ZNF892: variants seen among roughly 807,000 people sequenced by gnomAD.
The protein encoded by ZNF892 is zinc finger protein 570-like.
chr2:95,242,528 A>G, the ZNF892 span, among the ~76,000 whole-genome samples: 1 of 152,236 alleles, frequency 6.6e-6, no homozygotes, highest in African/African-American at 2.4e-5. Context: ...GTTACCGGCC[A>G]CTACAAAAAC....
the ZNF892 span, chr2:95,208,782 G>A: frequency 2.5e-6 from 1 of 398,592 alleles, no homozygotes; most frequent in Non-Finnish European, 4.4e-6. Context: ...CTCAGAGCAA[G>A]GATGTCTTTC....
the ZNF892 span, among the ~76,000 whole-genome samples, chr2:95,254,228 A>G: frequency 6.6e-6 from 1 of 152,172 alleles, no homozygotes; most frequent in South Asian, 2.1e-4. Flanking sequence ...TGTCATAGAT[A>G]GCTCTTATTA....
chr2:95,227,896 T>G, the ZNF892 span, among the ~76,000 whole-genome samples: 1 of 152,190 alleles, frequency 6.6e-6, no homozygotes, highest in Non-Finnish European at 1.5e-5. Context: ...GTGTCTTCTA[T>G]GAGCAAGTAC....
the ZNF892 span, among the ~76,000 whole-genome samples, chr2:95,235,467 T>C: frequency 9.9e-5 from 15 of 151,782 alleles, no homozygotes; most frequent in Non-Finnish European, 1.9e-4. Context: ...GCTTACGCCA[T>C]TCTCCTGCCT....
the ZNF892 span, among the ~76,000 whole-genome samples, chr2:95,234,278 AAAAC>A: frequency 6.6e-6 from 1 of 152,254 alleles, no homozygotes; most frequent in African/African-American, 2.4e-5. Context: ...AAACAAAAGA[AAAAC>A]AAAGTGGTTA....
At chr2:95,211,202 A>G in the ZNF892 span, among the ~76,000 whole-genome samples, 3 of 152,220 alleles carry the variant, frequency 2.0e-5, no homozygotes, top group Non-Finnish European at 2.9e-5. Context: ...AAACTAGAGA[A>G]AAAATACTTC....
At chr2:95,217,868 T>G in the ZNF892 span, among the ~76,000 whole-genome samples, 3 of 152,314 alleles carry the variant, frequency 2.0e-5, no homozygotes, top group Admixed American at 2.0e-4. Flanking sequence ...TCTGTTCTGT[T>G]GAGACCAGGG....
chr2:95,258,091 A>G, the ZNF892 span, among the ~76,000 whole-genome samples: 9 of 152,108 alleles, frequency 5.9e-5, no homozygotes, highest in Non-Finnish European at 1.2e-4. Context: ...CCACTGTCCA[A>G]CAATCCCCAG....
chr2:95,242,856 G>T, the ZNF892 span, among the ~76,000 whole-genome samples: 1 of 151,618 alleles, frequency 6.6e-6, no homozygotes, highest in Non-Finnish European at 1.5e-5. Flanking sequence ...CTCTCCCCAC[G>T]GTCTCCCTCT....
chr2:95,236,808 G>A, the ZNF892 span, among the ~76,000 whole-genome samples: 1 of 152,192 alleles, frequency 6.6e-6, no homozygotes, highest in Non-Finnish European at 1.5e-5. Flanking sequence ...TACTATAATA[G>A]AGTTGGCAAG....
At chr2:95,219,301 G>A in the ZNF892 span, among the ~76,000 whole-genome samples, 19 of 151,932 alleles carry the variant, frequency 1.3e-4, no homozygotes, top group Non-Finnish European at 2.2e-4. Context: ...CCACCGCCCC[G>A]GCCAAGTATT....
chr2:95,261,652 C>A, the ZNF892 span, among the ~76,000 whole-genome samples: 2 of 152,170 alleles, frequency 1.3e-5, no homozygotes, highest in African/African-American at 4.8e-5. Context: ...CTCCCAGATT[C>A]CAGGTTGTGA....
chr2:95,218,673 A>G, the ZNF892 span, among the ~76,000 whole-genome samples: 2 of 152,182 alleles, frequency 1.3e-5, no homozygotes, highest in African/African-American at 4.8e-5. Context: ...CATAACAAAA[A>G]TCCGTAGACT....
the ZNF892 span, chr2:95,207,775 G>A: frequency 2.5e-6 from 1 of 398,514 alleles, no homozygotes; most frequent in East Asian, 3.6e-5. Context: ...TCCTTCCCCT[G>A]TCGCGGTTGC....
the ZNF892 span, among the ~76,000 whole-genome samples, chr2:95,254,824 C>T: frequency 5.9e-5 from 9 of 152,246 alleles, no homozygotes; most frequent in African/African-American, 1.9e-4. Flanking sequence ...GTGTATGTGT[C>T]GAAGAATGTA....
chr2:95,243,011 G>T, the ZNF892 span, among the ~76,000 whole-genome samples: 873 of 152,320 alleles, frequency 5.7e-3, 10 homozygotes, highest in African/African-American at 0.02. Flanking sequence ...CGCCACGCCT[G>T]ACTGGTTTTC....
chr2:95,252,800 T>A, the ZNF892 span, among the ~76,000 whole-genome samples: 1 of 152,228 alleles, frequency 6.6e-6, no homozygotes, highest in Non-Finnish European at 1.5e-5. Context: ...AGATGGTATC[T>A]CATTGTGGTT....
chr2:95,248,327 A>T, the ZNF892 span, among the ~76,000 whole-genome samples: 1 of 152,154 alleles, frequency 6.6e-6, no homozygotes, highest in African/African-American at 2.4e-5. Flanking sequence ...GATGTTGGGG[A>T]CTACTAGAGG....
the ZNF892 span, among the ~76,000 whole-genome samples, chr2:95,230,403 G>T: frequency 2.6e-5 from 4 of 152,154 alleles, no homozygotes; most frequent in East Asian, 7.7e-4. Context: ...ATTTTTCTGA[G>T]TATTACTAAT....
Sources: allele counts gnomAD v4.1 joint callset (sites outside exome capture counted in the v4.1 genomes callset), GRCh38; gene constraint gnomAD v4.1.1; transcripts MANE v1.5; gene names NCBI Gene and HGNC (gene_info 2026-07-23, HGNC 2026-07-21).